RUVBL1: variants seen among roughly 807,000 people sequenced by gnomAD.
RUVBL1 encodes RuvB like AAA ATPase 1.
In RUVBL1, 4 loss-of-function variants were observed where a neutral mutation model predicts 52.4. That is an observed-to-expected ratio of 0.08 (90% CI 0.04 to 0.17). The LOEUF is 0.17. RUVBL1 is among the 10% of genes least tolerant of loss of function. RUVBL1 has a pLI of 1.00. For missense variants in RUVBL1, 298 were observed against 572.8 expected (o/e 0.52, Z 4.90); for synonymous variants, 217 against 214.4 (o/e 1.01, Z -0.10).
At chr3:128,089,330 T>C (rs540532287) in intron 8 of RUVBL1, among the ~76,000 whole-genome samples, 1 of 152,330 alleles carries the variant, frequency 6.6e-6, no homozygotes, top group East Asian at 1.9e-4. Flanking sequence ...CTTCAGCTAG[T>C]GTTTGGAGGG....
At chr3:128,114,910 A>G (rs921477435) in intron 2 of RUVBL1, among the ~76,000 whole-genome samples, 6 of 152,280 alleles carry the variant, frequency 3.9e-5, no homozygotes, top group African/African-American at 1.4e-4. Context: ...TGAACTTCAA[A>G]GACAGTGACC....
At chr3:128,106,292 T>C (rs1943233255) in intron 3 of RUVBL1, among the ~76,000 whole-genome samples, 1 of 152,212 alleles carries the variant, frequency 6.6e-6, no homozygotes, top group African/African-American at 2.4e-5. Context: ...TCATCCACAT[T>C]AGCTCTTTAA....
rs542371696 is a variant in RUVBL1, at chr3:128,065,989, G to A, written c.940-769C>T. On this transcript the variant is annotated intron_variant, in intron 9 of 9. Transcript: ENST00000464873. ...GATCTCCTGACCTCGTGATCCGCCC[G>A]CCTCCACATTACAAAGCGCTGGGAT... Among the ~76,000 whole-genome samples, 21 of 151,954 alleles carry A rather than the reference G, an allele frequency of 1.4e-4. No individual in the cohort carries two copies. The South Asian group carries it at 3.5e-3, about 26-fold the overall frequency.
At chr3:128,148,751 G>T (rs530711682) in intron 1 of RUVBL1, among the ~76,000 whole-genome samples, 27 of 152,154 alleles carry the variant, frequency 1.8e-4, no homozygotes, top group Admixed American at 1.7e-3. Context: ...CATATATATA[G>T]AGAGTGCATT....
exon 1 of RUVBL1, chr3:128,153,580 C>A: frequency 6.4e-7 from 1 of 1,558,246 alleles, no homozygotes; most frequent in Non-Finnish European, 8.6e-7. Context: ...GGCGCTGGCG[C>A]GGGCGCTAAG....
At chr3:128,123,821 T>G, upstream of RUVBL1, 2 of 1,441,546 alleles carry the variant, frequency 1.4e-6, no homozygotes, top group Non-Finnish European at 1.8e-6. Flanking sequence ...CTAGGGCAAT[T>G]TGCAAAGGCC....
At chr3:128,090,078 G>A (rs755415248) in intron 8 of RUVBL1, among the ~76,000 whole-genome samples, 23 of 152,090 alleles carry the variant, frequency 1.5e-4, no homozygotes, top group Non-Finnish European at 2.8e-4. Context: ...AAATAGTGGC[G>A]ATGGTCATGC....
downstream of RUVBL1, chr3:128,075,910 C>T (rs1324716068): frequency 6.6e-6 from 1 of 152,484 alleles, no homozygotes; most frequent in Non-Finnish European, 1.5e-5. Flanking sequence ...CCCCAGTCCA[C>T]CCAGCCGGGG....
chr3:128,152,993 G>A (rs1215334091), intron 1 of RUVBL1, among the ~76,000 whole-genome samples: 1 of 24,174 alleles, frequency 4.1e-5, no homozygotes, highest in African/African-American at 2.3e-4. Context: ...CGCCCACCCC[G>A]CCCCCCCCGC....
At chr3:128,093,351 T>C (rs1214702473) in intron 8 of RUVBL1, among the ~76,000 whole-genome samples, 7 of 152,184 alleles carry the variant, frequency 4.6e-5, no homozygotes. Flanking sequence ...AAGGGGACGA[T>C]GACTATTGAT....
intron 1 of RUVBL1, among the ~76,000 whole-genome samples, chr3:128,129,379 C>T (rs1194441608): frequency 3.3e-5 from 5 of 152,048 alleles, no homozygotes; most frequent in South Asian, 2.1e-4. Context: ...AAAAGAACAA[C>T]GTACCGAAAC....
chr3:128,134,113 A>C (rs1943916871), intron 1 of RUVBL1, among the ~76,000 whole-genome samples: 1 of 152,104 alleles, frequency 6.6e-6, no homozygotes, highest in African/African-American at 2.4e-5. Context: ...TTGATATACA[A>C]AGCATGCATC....
chr3:128,074,152 A>G (rs1942243857), intron 9 of RUVBL1, among the ~76,000 whole-genome samples: 1 of 152,212 alleles, frequency 6.6e-6, no homozygotes, highest in Admixed American at 6.5e-5. Context: ...AAAGACTTGT[A>G]CAAGAATGTT....
chr3:128,151,762 G>A (rs1208871399), intron 1 of RUVBL1, among the ~76,000 whole-genome samples: 2 of 152,108 alleles, frequency 1.3e-5, no homozygotes, highest in Non-Finnish European at 2.9e-5. Context: ...AATTTGAGAG[G>A]GACACAATTC....
rs1230037976 is a variant in RUVBL1 at position 128,097,390 on chromosome 3, A to G, written c.926T>C (p.Ile309Thr). 2 of 1,614,060 alleles carry G rather than the reference A, an allele frequency of 1.2e-6. No individual in the cohort carries two copies. Among genetic ancestry groups the G allele is most frequent in the East Asian group, 2.2e-5 (1 of 44,892 alleles). The change falls in exon 8 of 11, where the codon ATT (isoleucine) becomes ACT (threonine). Residue 309 changes from isoleucine (I) to threonine (T), a missense_variant. Ile to Thr is a moderately conservative substitution (Grantham distance 89). Coordinates refer to ENST00000322623, the MANE Select transcript of RUVBL1 (RefSeq NM_003707.3). ...LFVDEVHMLD[I>T]ECFTYLHRAL... ...GCGGTGCAGGTAGGTGAAGCACTCA[A>G]TGTCCAGCATGTGGACCTCATCAAC...
At chr3:128,134,209 T>C (rs1050656900) in intron 1 of RUVBL1, among the ~76,000 whole-genome samples, 2 of 152,080 alleles carry the variant, frequency 1.3e-5, no homozygotes, top group African/African-American at 4.8e-5. Context: ...ATGTCTGTAA[T>C]CCCAGCACTT....
intron 1 of RUVBL1, among the ~76,000 whole-genome samples, chr3:128,141,653 C>A (rs1422550052): frequency 6.6e-6 from 1 of 152,186 alleles, no homozygotes; most frequent in African/African-American, 2.4e-5. Flanking sequence ...CCCACTACAA[C>A]ACCCAGCTAA....
intron 1 of RUVBL1, among the ~76,000 whole-genome samples, chr3:128,148,071 A>G (rs909433884): frequency 6.6e-6 from 1 of 152,108 alleles, no homozygotes; most frequent in Non-Finnish European, 1.5e-5. Flanking sequence ...GAGAACATAG[A>G]TAACTATCTG....
At chr3:128,144,740 G>A (rs967687761) in intron 1 of RUVBL1, among the ~76,000 whole-genome samples, 6 of 152,226 alleles carry the variant, frequency 3.9e-5, no homozygotes, top group African/African-American at 2.4e-5. Flanking sequence ...CTTAGTGGGA[G>A]GGATGGTAGG....
Sources: gnomAD v4.1 joint callset for allele counts (sites outside exome capture counted in the v4.1 genomes callset) on GRCh38, gnomAD v4.1.1 for gene constraint, MANE v1.5 for transcripts, NCBI Gene and HGNC (gene_info 2026-07-23, HGNC 2026-07-21) for gene names.